The following LRPPRC variants were observed in gnomAD, a reference collection of about 807,000 sequenced individuals.
The protein encoded by LRPPRC is leucine-rich PPR motif-containing protein, mitochondrial.
In LRPPRC, 120 loss-of-function variants were observed where a neutral mutation model predicts 180.3. That is an observed-to-expected ratio of 0.67 (90% confidence interval 0.57 to 0.77). The LOEUF (loss-of-function observed/expected upper bound fraction) is 0.77. Ranked by LOEUF, LRPPRC falls within the 30% of genes least tolerant of loss-of-function variation. LRPPRC has a pLI of 0.00. For synonymous variants in LRPPRC, 723 were observed against 600.0 expected (o/e 1.21, Z -3.00); for missense variants, 2,012 against 1,657.2 (o/e 1.21, Z -3.72).
chr2:43,937,154 G>A (rs1308412286), intron 23 of LRPPRC, among the ~76,000 whole-genome samples: 1 of 152,124 alleles, frequency 6.6e-6, no homozygotes, highest in Non-Finnish European at 1.5e-5. Context: ...CACGTTAATA[G>A]TCTTTGGTCT....
chr2:43,893,073 A>G (rs528490351), intron 36 of LRPPRC, among the ~76,000 whole-genome samples: 1 of 152,206 alleles, frequency 6.6e-6, no homozygotes, highest in African/African-American at 2.4e-5. Context: ...TAGCAAGACA[A>G]CTAGAAGGAG....
chr2:43,948,556 TACCGAG>T (rs1184620806), intron 16 of LRPPRC, 38 bp from the exon 17 acceptor site: 1 of 964,442 alleles, frequency 1.0e-6, no homozygotes, highest in East Asian at 2.4e-5. Context: ...CCACTAAAAT[TACCGAG>T]ACTGTCATGT....
rs778542400 is a variant in LRPPRC at position 43,973,848 on chromosome 2, T to G, written c.1208A>C (p.His403Pro). ...GAGGGTGAACTGCAGAGGAAAGGAGTGCATCTGGACTTCCTTTAACTTCTT... is the reference window on the plus strand; with the variant it reads ...GAGGGTGAACTGCAGAGGAAAGGAGGGCATCTGGACTTCCTTTAACTTCTT... ...YCKKLKEVQMHSFPLQFTLHC... is the reference protein window; with the variant it reads ...YCKKLKEVQMPSFPLQFTLHC... The change falls in exon 10 of 38, where the codon CAC becomes CCC. Residue 403 changes from histidine to proline, a missense_variant. His to Pro is a moderately conservative substitution (Grantham distance 77). Transcript: ENST00000260665. 3.1e-6 allele frequency: 5 copies of G among 1,613,702 alleles called. No individual in the cohort carries two copies. In the East Asian group the frequency reaches 8.9e-5, roughly 29 times the overall value.
chr2:43,943,955 T>A, intron 22 of LRPPRC, 61 bp from the exon 23 acceptor site: 1 of 1,194,130 alleles, frequency 8.4e-7, no homozygotes, highest in African/African-American at 1.5e-5. Context: ...CAAACTGCTA[T>A]TAAAACAGCA....
intron 1 of LRPPRC, 87 bp downstream of exon 1, chr2:43,995,712 C>T: frequency 8.1e-7 from 1 of 1,228,718 alleles, no homozygotes. Context: ...GTGGCGAGCA[C>T]AGGCAGGACC....
chr2:43,943,977 G>A (rs1672587263), intron 22 of LRPPRC, 83 bp from the exon 23 acceptor site: 5 of 958,826 alleles, frequency 5.2e-6, no homozygotes, highest in South Asian at 4.0e-5. Flanking sequence ...TTCAAGCCCA[G>A]CAGGAATGTA....
intron 1 of LRPPRC, among the ~76,000 whole-genome samples, chr2:43,983,185 T>G (rs1276481608): frequency 6.6e-6 from 1 of 152,206 alleles, no homozygotes; most frequent in South Asian, 2.1e-4. Flanking sequence ...TAGTACATTA[T>G]GTGTTTACAA....
chr2:43,919,143 G>A (rs911722015), intron 27 of LRPPRC, among the ~76,000 whole-genome samples: 3 of 152,234 alleles, frequency 2.0e-5, no homozygotes, highest in East Asian at 3.9e-4. Context: ...ACTCTATTGT[G>A]AACTGCGCAT....
intron 36 of LRPPRC, among the ~76,000 whole-genome samples, chr2:43,893,858 C>T (rs1233104713): frequency 6.6e-6 from 1 of 152,082 alleles, no homozygotes; most frequent in Non-Finnish European, 1.5e-5. Context: ...CTGTTGTCCT[C>T]CCATAGATAA....
At chr2:43,905,666 C>T (rs200664241) in intron 31 of LRPPRC, 26 bp downstream of exon 31, 228 of 1,527,124 alleles carry the variant, frequency 1.5e-4, no homozygotes, top group South Asian at 4.5e-4. Context: ...ATTAATGTGA[C>T]GTAAAGGTCA....
At chr2:43,971,506 A>AAAAAAAAAAG (rs1559036150) in intron 11 of LRPPRC, among the ~76,000 whole-genome samples, 23 of 145,726 alleles carry the variant, frequency 1.6e-4, no homozygotes, top group African/African-American at 5.9e-4. Flanking sequence ...AAAAAAAAAG[A>AAAAAAAAAAG]AAAAAATATA....
At chr2:43,893,679 A>G (rs1012176316) in intron 36 of LRPPRC, among the ~76,000 whole-genome samples, 3 of 152,096 alleles carry the variant, frequency 2.0e-5, no homozygotes, top group African/African-American at 7.2e-5. Flanking sequence ...TGTTCATTAT[A>G]TTTGCTTTAT....
chr2:43,893,772 A>G (rs1670582002), intron 36 of LRPPRC, among the ~76,000 whole-genome samples: 1 of 152,124 alleles, frequency 6.6e-6, no homozygotes, highest in African/African-American at 2.4e-5. Flanking sequence ...TATTAGCTCT[A>G]TTTTGAAATA....
chr2:43,901,726 G>A (rs1441194818), intron 31 of LRPPRC: 1 of 551,422 alleles, frequency 1.8e-6, no homozygotes, highest in Non-Finnish European at 3.2e-6. Context: ...GATATTAGAG[G>A]CCCGAGGAAT....
intron 1 of LRPPRC, among the ~76,000 whole-genome samples, chr2:43,993,236 G>A (rs1016683917): frequency 1.3e-5 from 2 of 152,172 alleles, no homozygotes; most frequent in African/African-American, 2.4e-5. Flanking sequence ...TAAGTCATTA[G>A]AAGGACAGCT....
In LRPPRC at chr2:43,947,626, G is replaced by T. The variant is rs189011475; in HGVS notation, c.1965+105C>A. 1,382 of 785,158 alleles carry T rather than the reference G, an allele frequency of 1.8e-3. 5 individuals are homozygous for T. Among genetic ancestry groups the T allele is most frequent in the Non-Finnish European group, 2.3e-3 (1,020 of 441,206 alleles). The allele number at this position is 785,158 out of a possible 1,614,324, so 48.6% of individuals were successfully genotyped here. A position where few individuals can be genotyped will look rare whatever the true frequency, so the allele number is the denominator to read the frequency against. On this transcript the variant is annotated intron_variant, in intron 19 of 37. Coordinates refer to ENST00000260665, the MANE Select transcript of LRPPRC (RefSeq NM_133259.4). ...TTACCAACTTCTTAGAGGTATACAAGATGATAAAAATGTGAGGAATCACTG... is the reference window on the plus strand; with the variant it reads ...TTACCAACTTCTTAGAGGTATACAATATGATAAAAATGTGAGGAATCACTG...
At chr2:43,912,026 G>C (rs1456093023) in intron 30 of LRPPRC, among the ~76,000 whole-genome samples, 1 of 152,038 alleles carries the variant, frequency 6.6e-6, no homozygotes, top group Non-Finnish European at 1.5e-5. Context: ...TTTTCCCAAG[G>C]TCACAGAACT....
chr2:43,950,616 A>G lies in LRPPRC; in HGVS notation c.1650-16T>C. 2.5e-6 allele frequency: 4 copies of G among 1,611,066 alleles called. No individual in the cohort carries two copies. The South Asian group carries it at 4.4e-5, about 18-fold the overall frequency. ...ATTCATAGACCTGCAGAGGGCAGCA[A>G]AGGATCGAAAATAAACCCAGGTTTA... On this transcript the variant is annotated splice_polypyrimidine_tract_variant and intron_variant, in intron 14 of 37. Transcript: ENST00000260665.
chr2:43,887,554 A>G lies in LRPPRC; in HGVS notation c.*1046T>C, dbSNP rs1457085953. 1 of 152,228 alleles carries G rather than the reference A, an allele frequency of 6.6e-6. No homozygotes were observed. Among genetic ancestry groups the G allele is most frequent in the East Asian group, 1.9e-4 (1 of 5,192 alleles). The allele number at this position is 152,228 out of a possible 1,614,324, so 9.4% of individuals were successfully genotyped here. On this transcript the variant is annotated 3_prime_UTR_variant, in exon 38 of 38. Coordinates refer to ENST00000260665, the MANE Select transcript of LRPPRC (RefSeq NM_133259.4). ...GGGAGTCACCAAATTCAAATGAACA[A>G]GGAATACCCCAAAATGGGGAGAGTT...
Sources: gnomAD v4.1 joint callset for allele counts (sites outside exome capture counted in the v4.1 genomes callset) on GRCh38, gnomAD v4.1.1 for gene constraint, MANE v1.5 for transcripts, NCBI Gene and HGNC (gene_info 2026-07-23, HGNC 2026-07-21) for gene names.